ADNP: variants seen among roughly 807,000 people sequenced by gnomAD.
The protein encoded by ADNP is activity dependent neuroprotector homeobox.
A neutral mutation model predicts 84.9 loss-of-function variants in ADNP; 4 were observed. The observed-to-expected ratio is 0.05, with a 90% CI of 0.02 to 0.11. The LOEUF is 0.11. ADNP is among the 10% of genes least tolerant of loss of function. The pLI is 1.00. For synonymous variants in ADNP, 554 were observed against 468.1 expected (o/e 1.18, Z -2.37); for missense variants, 1,132 against 1,326.0 (o/e 0.85, Z 2.27).
rs1982315828 is a variant in ADNP, at chr20:50,904,828, T to C, written c.-68A>G. 1 of 152,102 alleles carries C rather than the reference T, an allele frequency of 6.6e-6. No homozygotes were observed. The highest frequency in any genetic ancestry group is 1.5e-5 in the Non-Finnish European group (1 of 68,024). The allele number at this position is 152,102 out of a possible 1,614,324, so 9.4% of individuals were successfully genotyped here. A position where few individuals can be genotyped will look rare whatever the true frequency, so the allele number is the denominator to read the frequency against. ...AGAGGTTTTTGTTGAATTGGAACTG[T>C]CCTGCCTACTGCTACGGTATTCTTT... On this transcript the variant is annotated 5_prime_UTR_variant, in exon 3 of 6. Transcript: ENST00000621696.
intron 2 of ADNP, among the ~76,000 whole-genome samples, chr20:50,919,325 C>T (rs1983775183): frequency 7.9e-6 from 1 of 126,034 alleles, no homozygotes; most frequent in Non-Finnish European, 1.6e-5. Context: ...ATGTAAAAAG[C>T]CAGGTGTGAT....
At chr20:50,899,855 T>C (rs1340749289) in intron 5 of ADNP, among the ~76,000 whole-genome samples, 1 of 148,426 alleles carries the variant, frequency 6.7e-6, no homozygotes, top group Non-Finnish European at 1.5e-5. Flanking sequence ...AATATTTTTA[T>C]ACAGCTGTAC....
At chr20:50,903,776 G>A in intron 4 of ADNP, 113 bp downstream of exon 4, 1 of 757,576 alleles carries the variant, frequency 1.3e-6, no homozygotes, top group Non-Finnish European at 2.2e-6. Flanking sequence ...TGAAGCTACT[G>A]CTGTGGCTGA....
At position 50,893,481 on chromosome 20, in the gene ADNP, G is replaced by T; in HGVS notation, c.1233C>A (p.Ser411=). 1 of 1,613,948 alleles carries T rather than the reference G, an allele frequency of 6.2e-7. No individual in the cohort carries two copies. The highest frequency in any genetic ancestry group is 8.5e-7 in the Non-Finnish European group (1 of 1,180,034). ...SLSSGQLKSP[S]LSQSQASRVL... is the part of the protein sequence containing the mutation. ...CTCTGGATGCCTGTGACTGAGAGAG[G>T]GAAGGAGACTTTAACTGGCCCGATG... Residue 411 remains serine, a synonymous_variant, in exon 6 of 6, where the codon TCC becomes TCA. Coordinates refer to ENST00000621696, the MANE Select transcript of ADNP (RefSeq NM_001282531.3). The surrounding 1 kb of genome is among the most constrained non-coding windows in gnomAD (Gnocchi z 4.4).
rs1177138291 is a variant in ADNP, at chr20:50,890,070, T to A, written c.*1335A>T. On this transcript the variant is annotated 3_prime_UTR_variant, in exon 6 of 6. Coordinates refer to ENST00000621696, the MANE Select transcript of ADNP (RefSeq NM_001282531.3). ...TATCATTGAGACATTTACATATATATGCAGGCTCTGCTCCTTAACAAAAGG... is the reference window on the plus strand; with the variant it reads ...TATCATTGAGACATTTACATATATAAGCAGGCTCTGCTCCTTAACAAAAGG... 3.4e-6 allele frequency: 1 copy of A among 298,286 alleles called. No homozygotes were observed. Among genetic ancestry groups the A allele is most frequent in the East Asian group, 5.0e-5 (1 of 20,118 alleles). 18.5% of individuals were successfully genotyped at this position (298,286 alleles called of 1,614,324 possible). A position where few individuals can be genotyped will look rare whatever the true frequency, so the allele number is the denominator to read the frequency against.
At chr20:50,909,773 T>G (rs955537026) in intron 2 of ADNP, 1 of 152,220 alleles carries the variant, frequency 6.6e-6, no homozygotes, top group Admixed American at 6.5e-5. Context: ...ATGACTCAGT[T>G]TGACTAGTTA....
At chr20:50,924,924 T>C (rs1260992941) in intron 2 of ADNP, among the ~76,000 whole-genome samples, 1 of 152,258 alleles carries the variant, frequency 6.6e-6, no homozygotes, top group Non-Finnish European at 1.5e-5. Flanking sequence ...CAGAGCAGGC[T>C]TCCCTTTGTA....
chr20:50,894,060 C>G lies in ADNP; in HGVS notation c.654G>C (p.Glu218Asp), dbSNP rs1437387214. The G allele has an allele frequency of 6.2e-7, 1 of 1,614,096 alleles. No homozygotes were observed. The highest frequency in any genetic ancestry group is 1.7e-5 in the Admixed American group (1 of 60,012). Reference sequence around the variant, plus strand: ...GGCATCGCTTGCAGTGAATACTACTCTCTTCTCGGGCATTCGAGCCTAAGG... The same window carrying G: ...GGCATCGCTTGCAGTGAATACTACTGTCTTCTCGGGCATTCGAGCCTAAGG... ...AVPLGSNARE[E>D]SSIHCKRCLF... Residue 218 changes from glutamate (E) to aspartate (D), a missense_variant, in exon 6 of 6, where the codon GAG (glutamate) becomes GAC (aspartate). Transcript: ENST00000621696.
At chr20:50,912,396 T>C (rs1983117974) in intron 2 of ADNP, among the ~76,000 whole-genome samples, 1 of 152,150 alleles carries the variant, frequency 6.6e-6, no homozygotes, top group African/African-American at 2.4e-5. Flanking sequence ...GTGATCTGCC[T>C]GTCTTGGCCT....
chr20:50,917,268 CCAGCTGAAG>C (rs1448565239), intron 2 of ADNP, among the ~76,000 whole-genome samples: 2 of 152,212 alleles, frequency 1.3e-5, no homozygotes, highest in Non-Finnish European at 2.9e-5. Flanking sequence ...CTCAGCCAAA[CCAGCTGAAG>C]CAGCAACACA....
At chr20:50,896,256 A>G (rs1252466713) in intron 5 of ADNP, among the ~76,000 whole-genome samples, 1 of 151,978 alleles carries the variant, frequency 6.6e-6, no homozygotes. Flanking sequence ...AAACAAACAC[A>G]TTGTACAGCC....
intron 5 of ADNP, among the ~76,000 whole-genome samples, chr20:50,896,555 G>T (rs745529064): frequency 6.6e-6 from 1 of 151,746 alleles, no homozygotes; most frequent in African/African-American, 2.4e-5. Context: ...GCAAGACCCC[G>T]TCTCAAAAAA....
In ADNP at chr20:50,917,860, A is replaced by G. The variant is rs572167740; in HGVS notation, c.-90+10791T>C. On this transcript the variant is annotated intron_variant, in intron 2 of 5. Coordinates refer to ENST00000621696, the MANE Select transcript of ADNP (RefSeq NM_001282531.3). ...AATGTGGTCATATCCACATAATGGG[A>G]TATGATTGAACCATGAAAAAGAATA... Among the ~76,000 whole-genome samples, 5 of 152,334 alleles carry G rather than the reference A, an allele frequency of 3.3e-5. No individual in the cohort carries two copies. In the South Asian group the frequency reaches 8.3e-4, roughly 25 times the overall value.
chr20:50,895,005 TAAAA>T (rs1041695894), intron 5 of ADNP, among the ~76,000 whole-genome samples: 1 of 152,100 alleles, frequency 6.6e-6, no homozygotes, highest in African/African-American at 2.4e-5. Flanking sequence ...CAGTGTAAAT[TAAAA>T]AAATGCTAAG....
chr20:50,908,546 G>A (rs553395441), intron 2 of ADNP, among the ~76,000 whole-genome samples: 71 of 152,250 alleles, frequency 4.7e-4, no homozygotes, highest in South Asian at 3.7e-3. Context: ...AGGCCAAGGC[G>A]GGCGAGTCAC....
At position 50,891,632 on chromosome 20, in the gene ADNP, A is replaced by T; in HGVS notation, c.3082T>A (p.Trp1028Arg). 6.2e-7 allele frequency: 1 copy of T among 1,614,134 alleles called. No individual in the cohort carries two copies. Among genetic ancestry groups the T allele is most frequent in the African/African-American group, 1.3e-5 (1 of 75,018 alleles). Residue 1028 changes from tryptophan (W) to arginine (R), a missense_variant, in exon 6 of 6, where the codon TGG becomes AGG. By Grantham distance (101) the Trp-to-Arg change is moderately radical (BLOSUM62 -3). This residue lies in a region of ADNP where 381 missense variants were observed against 319.9 expected (regional missense o/e 1.19). Coordinates refer to ENST00000621696, the MANE Select transcript of ADNP (RefSeq NM_001282531.3). ...ACTTTTCCATAGGAACTATTCTTCCATTTCAACTGCTCTCTGTCACCTTGC... is the reference window on the plus strand; with the variant it reads ...ACTTTTCCATAGGAACTATTCTTCCTTTTCAACTGCTCTCTGTCACCTTGC... ...TMQGDREQLK[W>R]KNSSYGKVEG...
At chr20:50,928,558 T>C (rs1406103756) in intron 2 of ADNP, 93 bp downstream of exon 2, 3 of 152,188 alleles carry the variant, frequency 2.0e-5, no homozygotes, top group Non-Finnish European at 4.4e-5. Flanking sequence ...GGCTGAAATT[T>C]TGGAAGTGTT....
chr20:50,930,063 G>C (rs1465009935), intron 1 of ADNP, among the ~76,000 whole-genome samples: 10 of 152,044 alleles, frequency 6.6e-5, no homozygotes, highest in Non-Finnish European at 1.5e-5. Context: ...AAGGCAGGCA[G>C]GCCTCCCAGA....
rs950474333 is a variant in ADNP at position 50,893,829 on chromosome 20, G to C, written c.885C>G (p.Val295=). 6.2e-7 allele frequency: 1 copy of C among 1,614,194 alleles called. No homozygotes were observed. ...PRIGSLASGN[V]RSLPSQQMVN... ...CCATCTGCTGTGATGGTAAAGACCGGACATTTCCAGAAGCAAGGGAACCGA... is the reference window on the plus strand; with the variant it reads ...CCATCTGCTGTGATGGTAAAGACCGCACATTTCCAGAAGCAAGGGAACCGA... The change falls in exon 6 of 6, where the codon GTC becomes GTG. Residue 295 remains valine, a synonymous_variant. Transcript: ENST00000621696. The surrounding 1 kb of genome is among the most constrained non-coding windows in gnomAD (Gnocchi z 4.4).
Sources: allele counts gnomAD v4.1 joint callset (sites outside exome capture counted in the v4.1 genomes callset), GRCh38; gene constraint gnomAD v4.1.1; regional missense constraint gnomAD v4.1.1; non-coding constraint Gnocchi (gnomAD v3.1); transcripts MANE v1.5; gene names NCBI Gene and HGNC (gene_info 2026-07-23, HGNC 2026-07-21).